Variants in NSRP1 observed in about 807,000 individuals in gnomAD.
The protein encoded by NSRP1 is coiled-coil domain containing 55.
A neutral mutation model predicts 54.7 loss-of-function variants in NSRP1; 24 were observed. The ratio of observed to expected loss-of-function variants is 0.44; its 90% confidence interval spans 0.32 to 0.62. The LOEUF is 0.62. Among genes scored for constraint, NSRP1 ranks in the 20% least tolerant of loss-of-function variants. The pLI is 0.06. For synonymous variants in NSRP1, 210 were observed against 213.8 expected, an observed-to-expected ratio of 0.98 and a Z score of 0.15; for missense variants, 596 against 651.2, an observed-to-expected ratio of 0.92 and a Z score of 0.92.
chr17:30,133,026 G>A (rs545670128), intron 2 of NSRP1, among the ~76,000 whole-genome samples: 2 of 152,020 alleles, frequency 1.3e-5, no homozygotes, highest in South Asian at 2.1e-4. Flanking sequence ...TGCAACCTCT[G>A]TCGCCTGGGC....
chr17:30,121,649 A>G (rs1157202226), intron 2 of NSRP1, among the ~76,000 whole-genome samples: 1 of 147,838 alleles, frequency 6.8e-6, no homozygotes, highest in African/African-American at 2.6e-5. Flanking sequence ...CTGCAACTGC[A>G]ACCTCCACCT....
At chr17:30,166,405 G>T (rs949836467) in intron 2 of NSRP1, among the ~76,000 whole-genome samples, 8 of 152,182 alleles carry the variant, frequency 5.3e-5, no homozygotes, top group Non-Finnish European at 1.0e-4. Flanking sequence ...CTGATTTATG[G>T]CAAGAGGATC....
chr17:30,172,096 C>T (rs1397898802), intron 2 of NSRP1, among the ~76,000 whole-genome samples: 37 of 151,340 alleles, frequency 2.4e-4, no homozygotes, highest in Non-Finnish European at 7.4e-5. Flanking sequence ...CATGTTTACT[C>T]ATCTTTTCCT....
chr17:30,143,271 G>C (rs916784774), intron 2 of NSRP1, among the ~76,000 whole-genome samples: 3 of 152,120 alleles, frequency 2.0e-5, no homozygotes, highest in Non-Finnish European at 4.4e-5. Flanking sequence ...ATCACTTTCT[G>C]AAACAAAATT....
chr17:30,146,487 C>T (rs971948719), intron 2 of NSRP1, among the ~76,000 whole-genome samples: 4 of 152,002 alleles, frequency 2.6e-5, no homozygotes, highest in Admixed American at 6.6e-5. Flanking sequence ...CATTGGCCTC[C>T]CAAAGTGTTG....
At chr17:30,176,861 T>C (rs1373797309) in intron 3 of NSRP1, among the ~76,000 whole-genome samples, 4 of 152,206 alleles carry the variant, frequency 2.6e-5, no homozygotes, top group Non-Finnish European at 5.9e-5. Flanking sequence ...AGTTAGCATG[T>C]GCATTATTCA....
chr17:30,167,564 G>A (rs1348437475), intron 2 of NSRP1, among the ~76,000 whole-genome samples: 6 of 151,642 alleles, frequency 4.0e-5, no homozygotes, highest in East Asian at 3.9e-4. Flanking sequence ...AGCCGAGATC[G>A]CACCACTGCA....
chr17:30,159,545 C>A (rs1214908124), intron 2 of NSRP1, among the ~76,000 whole-genome samples: 1 of 152,052 alleles, frequency 6.6e-6, no homozygotes, highest in Non-Finnish European at 1.5e-5. Flanking sequence ...TTGTCTAGTT[C>A]CAGTTCTTAG....
intron 2 of NSRP1, among the ~76,000 whole-genome samples, chr17:30,133,444 T>G (rs2071720465): frequency 6.6e-6 from 1 of 151,602 alleles, no homozygotes; most frequent in African/African-American, 2.4e-5. Context: ...GCAGTGGGTC[T>G]CCATGACGGG....
At chr17:30,138,882 G>A (rs968949417) in intron 2 of NSRP1, among the ~76,000 whole-genome samples, 2 of 141,284 alleles carry the variant, frequency 1.4e-5, no homozygotes, top group Admixed American at 7.2e-5. Flanking sequence ...ATCCTAAGGG[G>A]TATGAAGTGG....
chr17:30,130,107 T>C (rs140836211), intron 2 of NSRP1, among the ~76,000 whole-genome samples: 4 of 152,228 alleles, frequency 2.6e-5, no homozygotes, highest in African/African-American at 9.6e-5. Flanking sequence ...TTTTAAAATA[T>C]TTCATTTTGA....
At chr17:30,152,695 T>C (rs2071923536) in intron 2 of NSRP1, among the ~76,000 whole-genome samples, 1 of 152,064 alleles carries the variant, frequency 6.6e-6, no homozygotes, top group Admixed American at 6.5e-5. Context: ...ATTGTCTTGG[T>C]GTTGCTTTAT....
chr17:30,166,798 C>G (rs1216178446), intron 2 of NSRP1, among the ~76,000 whole-genome samples: 1 of 152,104 alleles, frequency 6.6e-6, no homozygotes, highest in African/African-American at 2.4e-5. Context: ...TGGTGGCGCA[C>G]ACTTGTAATC....
At chr17:30,170,201 GA>G (rs879457802) in intron 2 of NSRP1, among the ~76,000 whole-genome samples, 3 of 151,970 alleles carry the variant, frequency 2.0e-5, no homozygotes, top group Admixed American at 2.0e-4. Flanking sequence ...CCTGATACTT[GA>G]AAAAAATTAA....
chr17:30,160,116 A>G (rs1296983983), intron 2 of NSRP1, among the ~76,000 whole-genome samples: 1 of 152,222 alleles, frequency 6.6e-6, no homozygotes, highest in East Asian at 1.9e-4. Flanking sequence ...TGATTTGCAT[A>G]TGGTAAATTA....
intron 2 of NSRP1, chr17:30,122,349 T>TGTGTGTATATATATATA (rs1481107161): frequency 2.9e-4 from 21 of 72,310 alleles, no homozygotes; most frequent in African/African-American, 1.1e-3. Flanking sequence ...ATAACTCTGG[T>TGTGTGTATATATATATA]TTCATATATA....
intron 2 of NSRP1, among the ~76,000 whole-genome samples, chr17:30,171,276 T>C (rs536179200): frequency 6.6e-6 from 1 of 151,884 alleles, no homozygotes; most frequent in East Asian, 1.9e-4. Flanking sequence ...TTTATTATAT[T>C]GCTTATCACA....
intron 2 of NSRP1, among the ~76,000 whole-genome samples, chr17:30,136,653 A>G (rs1232901636): frequency 6.6e-6 from 1 of 152,178 alleles, no homozygotes; most frequent in Non-Finnish European, 1.5e-5. Flanking sequence ...AGAGATTAAA[A>G]TATGAAGAAT....
intron 2 of NSRP1, among the ~76,000 whole-genome samples, chr17:30,170,574 T>A (rs1904893233): frequency 6.6e-6 from 1 of 152,226 alleles, no homozygotes; most frequent in Non-Finnish European, 1.5e-5. Context: ...TGTAGCATAA[T>A]GTCCTCCAGG....
Sources: gnomAD v4.1 joint callset for allele counts (sites outside exome capture counted in the v4.1 genomes callset) on GRCh38, gnomAD v4.1.1 for gene constraint, MANE v1.5 for transcripts, NCBI Gene and HGNC (gene_info 2026-07-23, HGNC 2026-07-21) for gene names.